ACTN1: variants seen among roughly 807,000 people sequenced by gnomAD.
ACTN1 encodes actinin alpha 1.
ACTN1 carries 30 observed loss-of-function variants against 119.6 expected under a neutral mutation model. The observed-to-expected ratio is 0.25, with a 90% CI of 0.19 to 0.34. The LOEUF (loss-of-function observed/expected upper bound fraction) is 0.34, where lower values mean the gene tolerates loss of function less well. Among genes scored for constraint, ACTN1 ranks in the 10% least tolerant of loss-of-function variants. The pLI, the probability that ACTN1 is intolerant of heterozygous loss-of-function variation, is 1.00. For synonymous variants in ACTN1, 429 were observed against 472.6 expected (o/e 0.91, Z 1.20); for missense variants, 764 against 1,223.4 (o/e 0.62, Z 5.60).
At chr14:68,941,765 C>T (rs143511734) in intron 1 of ACTN1, among the ~76,000 whole-genome samples, 69 of 152,272 alleles carry the variant, frequency 4.5e-4, no homozygotes, top group African/African-American at 1.4e-3. Flanking sequence ...TTGCCCTTGT[C>T]TACTAAACGG....
intron 4 of ACTN1, among the ~76,000 whole-genome samples, 167 bp from the exon 5 acceptor site, chr14:68,910,209 T>C (rs574420564): frequency 2.5e-4 from 38 of 152,302 alleles, no homozygotes; most frequent in African/African-American, 8.7e-4. Flanking sequence ...GAGAAGTTAT[T>C]TGAGAAACAG....
Position 68,979,036 on chromosome 14 carries a change from C to T in ACTN1, c.21G>A (p.Gln7=). The T allele has an allele frequency of 1.2e-6, 2 of 1,600,704 alleles. No individual in the cohort carries two copies. The highest frequency in any genetic ancestry group is 1.7e-6 in the Non-Finnish European group (2 of 1,173,070). MDHYDS[Q]QTNDYMQPEE... ...CTGGCTGCATGTAATCGTTGGTTTGCTGAGAATCATAATGGTCCATGATGG... is the reference window on the plus strand; with the variant it reads ...CTGGCTGCATGTAATCGTTGGTTTGTTGAGAATCATAATGGTCCATGATGG... The change falls in exon 1 of 22, where the codon CAG becomes CAA. Residue 7 remains glutamine (Q), a synonymous_variant. Coordinates refer to ENST00000394419, the MANE Select transcript of ACTN1 (RefSeq NM_001130004.2).
At position 68,879,096 on chromosome 14, in the gene ACTN1, A is replaced by G; in HGVS notation, c.2281-27T>C. The G allele has an allele frequency of 6.4e-7, 1 of 1,551,802 alleles. No homozygotes were observed. The highest frequency in any genetic ancestry group is 8.7e-7 in the Non-Finnish European group (1 of 1,142,986). ...TGGGGCCGCGGTGCGCCAGGCAGCG[A>G]GCCATGCGGTGTCAGGGAGGTGGAG... On this transcript the variant is annotated intron_variant, in intron 18 of 21. Transcript: ENST00000394419. This position sits in a 1 kb window ranked among gnomAD's most constrained non-coding sequence, Gnocchi z 4.9.
intron 11 of ACTN1, chr14:68,888,372 T>C (rs1156784685): frequency 3.7e-6 from 1 of 267,986 alleles, no homozygotes; most frequent in Non-Finnish European, 7.2e-6. Flanking sequence ...ACCTTGGCTG[T>C]GAGCTGGACC....
chr14:68,889,361 T>TATA (rs1204908944), intron 11 of ACTN1, among the ~76,000 whole-genome samples: 1 of 152,238 alleles, frequency 6.6e-6, no homozygotes, highest in African/African-American at 2.4e-5. Flanking sequence ...TGCAATGTAC[T>TATA]ATAATATTTA....
chr14:68,926,256 G>A (rs2034919354), intron 1 of ACTN1, among the ~76,000 whole-genome samples: 1 of 152,114 alleles, frequency 6.6e-6, no homozygotes, highest in African/African-American at 2.4e-5. Flanking sequence ...GTGGGGATAG[G>A]GGCACCCTAA....
intron 21 of ACTN1, 56 bp downstream of exon 21, chr14:68,877,026 C>G (rs2030977977): frequency 2.5e-6 from 4 of 1,597,246 alleles, no homozygotes. Context: ...CCCTTTAGAT[C>G]ACAGTCCAGC....
rs1241783074 is a variant in ACTN1 at position 68,901,206 on chromosome 14, GGTTTTTTTTT to G, written c.762+1261_762+1270del. Among the ~76,000 whole-genome samples the G allele has an allele frequency of 2.3e-4, 31 of 136,522 alleles. No homozygotes were observed. The East Asian group carries it at 6.2e-3, about 27-fold the overall frequency. The allele number at this position is 136,522 out of a possible 152,430, so 89.6% of individuals were successfully genotyped here. ...ATCATGCATTTTTTTTTTGTTTTAT[GGTTTTTTTTT>G]GTTTTTTTTTTGTTTTGTTTTGTTT... On this transcript the variant is annotated intron_variant, in intron 8 of 21. Coordinates refer to ENST00000394419, the MANE Select transcript of ACTN1 (RefSeq NM_001130004.2).
intron 3 of ACTN1, 28 bp downstream of exon 3, chr14:68,920,977 TC>T (rs763911646): frequency 6.2e-7 from 1 of 1,611,030 alleles, no homozygotes; most frequent in Non-Finnish European, 8.5e-7. Context: ...AAAATCAGGC[TC>T]CTTGGGGCCA....
chr14:68,946,123 C>T (rs2035936102), intron 1 of ACTN1, among the ~76,000 whole-genome samples: 1 of 152,208 alleles, frequency 6.6e-6, no homozygotes, highest in East Asian at 1.9e-4. Flanking sequence ...GGTCACCGTG[C>T]CCCGGCCACA....
Position 68,878,206 on chromosome 14 carries a change from G to T in ACTN1, c.2427+252C>A. ...GGGTCAGCCCAGCTGTCCACAGTGG[G>T]AGTGAGAAGTACCAGAAGATGAAGT... On this transcript the variant is annotated intron_variant, in intron 20 of 21. Transcript: ENST00000394419. The surrounding 1 kb of genome is among the most constrained non-coding windows in gnomAD (Gnocchi z 4.4). The T allele has an allele frequency of 2.2e-6, 1 of 450,978 alleles. No individual in the cohort carries two copies. The highest frequency in any genetic ancestry group is 3.9e-6 in the Non-Finnish European group (1 of 255,826). 27.9% of individuals were successfully genotyped at this position (450,978 alleles called of 1,614,324 possible).
intron 1 of ACTN1, among the ~76,000 whole-genome samples, chr14:68,960,791 A>C (rs1227037991): frequency 6.6e-5 from 10 of 152,084 alleles, no homozygotes; most frequent in Admixed American, 1.3e-4. Flanking sequence ...CTTCTGAAGG[A>C]AGGGGGTGTG....
chr14:68,920,803 T>C (rs977643550), intron 3 of ACTN1, among the ~76,000 whole-genome samples: 2 of 152,174 alleles, frequency 1.3e-5, no homozygotes, highest in Admixed American at 1.3e-4. Flanking sequence ...GTCTAAGTCC[T>C]TGGTTTTGGG....
intron 8 of ACTN1, among the ~76,000 whole-genome samples, chr14:68,900,197 T>C (rs376607375): frequency 6.6e-6 from 1 of 152,160 alleles, no homozygotes; most frequent in Non-Finnish European, 1.5e-5. Context: ...GATCATTTTT[T>C]ACCTCTTCCC....
At chr14:68,965,708 G>A (rs952995686) in intron 1 of ACTN1, among the ~76,000 whole-genome samples, 1 of 152,224 alleles carries the variant, frequency 6.6e-6, no homozygotes, top group Non-Finnish European at 1.5e-5. Context: ...GAGCCAGAGT[G>A]AATGCAGAGC....
chr14:68,886,622 C>T (rs2032032732), intron 11 of ACTN1: 1 of 152,202 alleles, frequency 6.6e-6, no homozygotes, highest in African/African-American at 2.4e-5. Context: ...GGTGAAACCC[C>T]ATGTCTACTA....
intron 1 of ACTN1, among the ~76,000 whole-genome samples, chr14:68,950,825 T>G (rs2036138195): frequency 6.6e-6 from 1 of 152,154 alleles, no homozygotes; most frequent in Admixed American, 6.5e-5. Context: ...CCTCCCAAAG[T>G]GCTGGGATTA....
chr14:68,978,073 C>G (rs2037129034), intron 1 of ACTN1: 1 of 455,278 alleles, frequency 2.2e-6, no homozygotes, highest in South Asian at 1.6e-5. Context: ...AGCCCAGCTC[C>G]CGTGGCGGGG....
In ACTN1 at chr14:68,877,224, G is replaced by A. The variant is rs769440404; in HGVS notation, c.2444C>T (p.Ala815Val). Residue 815 changes from alanine to valine, a missense_variant, in exon 21 of 22, where the codon GCC becomes GTC. Physicochemically the swap from Ala to Val is moderately conservative, Grantham distance 64. This residue lies in a region of ACTN1 where 544 missense variants were observed against 912.0 expected (regional missense o/e 0.60). Coordinates refer to ENST00000394419, the MANE Select transcript of ACTN1 (RefSeq NM_001130004.2). Reference protein sequence around the residue: ...MGYNMGEAEFARIMSIVDPNR... With the variant: ...MGYNMGEAEFVRIMSIVDPNR... ...GGGGTCCACAATGCTCATGATGCGGGCAAATTCTGCTTCTCCCTGGAGGGA... is the reference window on the plus strand; with the variant it reads ...GGGGTCCACAATGCTCATGATGCGGACAAATTCTGCTTCTCCCTGGAGGGA... 15 of 1,614,116 alleles carry A rather than the reference G, an allele frequency of 9.3e-6. No individual in the cohort carries two copies. Among genetic ancestry groups the A allele is most frequent in the East Asian group, 4.5e-5 (2 of 44,884 alleles).
Sources: allele counts gnomAD v4.1 joint callset (sites outside exome capture counted in the v4.1 genomes callset), GRCh38; gene constraint gnomAD v4.1.1; regional missense constraint gnomAD v4.1.1; non-coding constraint Gnocchi (gnomAD v3.1); transcripts MANE v1.5; gene names NCBI Gene and HGNC (gene_info 2026-07-23, HGNC 2026-07-21).